DISC1: variants seen among roughly 807,000 people sequenced by gnomAD.
DISC1 encodes the protein disrupted in schizophrenia 1 protein.
A neutral mutation model predicts 84.5 loss-of-function variants in DISC1; 57 were observed. The observed-to-expected ratio is 0.67, with a 90% CI of 0.55 to 0.84. The LOEUF (loss-of-function observed/expected upper bound fraction) is 0.84, where lower values mean the gene tolerates loss of function less well. Among genes scored for constraint, DISC1 ranks in the 40% least tolerant of loss-of-function variants. DISC1 has a pLI of 0.00. For synonymous variants in DISC1, 411 were observed against 415.2 expected (o/e 0.99, Z 0.12); for missense variants, 1,000 against 1,057.8 (o/e 0.95, Z 0.76).
At chr1:231,930,700 G>A (rs188648571) in intron 9 of DISC1, among the ~76,000 whole-genome samples, 1 of 152,204 alleles carries the variant, frequency 6.6e-6, no homozygotes, top group Admixed American at 6.5e-5. Context: ...AGCTGGGGAA[G>A]CATTTCAAGA....
chr1:231,860,142 AG>A lies in DISC1; in HGVS notation c.1981+41626del, dbSNP rs1558660519. Reference sequence around the variant, plus strand: ...CTTCCATACAATTTCATATTTGCAAAGTAAATTAACTCTAAATAGTTTAGGG... The same window carrying A: ...CTTCCATACAATTTCATATTTGCAAATAAATTAACTCTAAATAGTTTAGGG... On this transcript the variant is annotated intron_variant, in intron 9 of 12. Transcript: ENST00000439617. 5.9e-5 allele frequency among the ~76,000 whole-genome samples: 9 copies of A among 152,332 alleles called. No homozygotes were observed. In the South Asian group the frequency reaches 1.9e-3, roughly 32 times the overall value.
chr1:232,021,207 A>AGCCACTTCTCCCAAAGGTGGAAGAAAGT (rs1668921765), intron 11 of DISC1, among the ~76,000 whole-genome samples: 1 of 152,156 alleles, frequency 6.6e-6, no homozygotes, highest in African/African-American at 2.4e-5. Flanking sequence ...CTGAAGAAAG[A>AGCCACTTCTCCCAAAGGTGGAAGAAAGT]GCCACTTCTC....
At chr1:232,001,031 T>C (rs891411666) in intron 10 of DISC1, among the ~76,000 whole-genome samples, 1 of 152,132 alleles carries the variant, frequency 6.6e-6, no homozygotes, top group South Asian at 2.1e-4. Context: ...TGTATTATGG[T>C]GATTGAGACA....
At position 231,944,302 on chromosome 1, in the gene DISC1, G is replaced by C. The variant is rs142793430; in HGVS notation, c.1982-14526G>C. Among the ~76,000 whole-genome samples, 42 of 152,290 alleles carry C rather than the reference G, an allele frequency of 2.8e-4. No homozygotes were observed. The East Asian group carries it at 7.9e-3, about 29-fold the overall frequency. On this transcript the variant is annotated intron_variant, in intron 9 of 12. Transcript: ENST00000439617. ...CCAGATCCTTCTTCTGGAAGGAAGG[G>C]TCAGGTTTCTGCAGCTACTCCCAGC...
chr1:231,870,880 A>G (rs1363151578), intron 9 of DISC1, among the ~76,000 whole-genome samples: 1 of 152,200 alleles, frequency 6.6e-6, no homozygotes. Flanking sequence ...TTAAAGAATA[A>G]ATATTTTCTT....
intron 1 of DISC1, among the ~76,000 whole-genome samples, chr1:231,656,287 T>A (rs1027822431): frequency 1.4e-4 from 22 of 152,298 alleles, no homozygotes; most frequent in African/African-American, 4.6e-4. Flanking sequence ...AGATCCAGTT[T>A]CATTCTTCTA....
Position 231,662,241 on chromosome 1 carries a change from A to C in DISC1, c.68-31585A>C, listed in dbSNP as rs537625864. Among the ~76,000 whole-genome samples the C allele has an allele frequency of 6.6e-5, 10 of 152,330 alleles. No homozygotes were observed. In the East Asian group the frequency reaches 9.7e-4, roughly 15 times the overall value. On this transcript the variant is annotated intron_variant, in intron 1 of 12. Transcript: ENST00000439617. ...TCAGGTGGAATGGTATCAGGGACCC[A>C]TTTAAAGATGAGTCTTGCTGCTTTT...
At chr1:231,802,492 TG>T in intron 8 of DISC1, among the ~76,000 whole-genome samples, 1 of 152,202 alleles carries the variant, frequency 6.6e-6, no homozygotes, top group African/African-American at 2.4e-5. Context: ...CAGTCTCAGG[TG>T]GTATCTTTAT....
At chr1:231,640,381 G>A (rs1413997124) in intron 1 of DISC1, among the ~76,000 whole-genome samples, 6 of 152,110 alleles carry the variant, frequency 3.9e-5, no homozygotes, top group African/African-American at 1.4e-4. Context: ...GACATCATGG[G>A]GTTGTATTGT....
chr1:231,744,544 T>A (rs1453801581), intron 3 of DISC1, among the ~76,000 whole-genome samples: 1 of 152,238 alleles, frequency 6.6e-6, no homozygotes, highest in African/African-American at 2.4e-5. Context: ...AATCAACTTT[T>A]TTTTTTGGTG....
In DISC1 at chr1:231,826,308, A is replaced by G. The variant is rs188876035; in HGVS notation, c.1981+7791A>G. On this transcript the variant is annotated intron_variant, in intron 9 of 12. Transcript: ENST00000439617. The surrounding 1 kb of genome is among the most constrained non-coding windows in gnomAD (Gnocchi z 4.2). ...CTTTATGAATTTGATTCCTAACGTC[A>G]GTCTCTCTATCCATCCCGCAACCTC... is the stretch of plus-strand genomic sequence containing the variant. Among the ~76,000 whole-genome samples the G allele has an allele frequency of 1.4e-4, 21 of 152,342 alleles. No individual in the cohort carries two copies. Among genetic ancestry groups the G allele is most frequent in the Non-Finnish European group, 1.8e-4 (12 of 68,024 alleles).
intron 9 of DISC1, among the ~76,000 whole-genome samples, chr1:231,909,544 T>G (rs2126049037): frequency 6.6e-6 from 1 of 152,328 alleles, no homozygotes; most frequent in East Asian, 1.9e-4. Flanking sequence ...GTGGACAAGC[T>G]TTTTGATGTG....
At chr1:231,868,110 TG>T (rs2085189543) in intron 9 of DISC1, among the ~76,000 whole-genome samples, 1 of 152,158 alleles carries the variant, frequency 6.6e-6, no homozygotes, top group African/African-American at 2.4e-5. Flanking sequence ...AATAAACAGT[TG>T]TTTCTGCTTT....
chr1:231,730,201 A>G (rs941293126), intron 3 of DISC1, among the ~76,000 whole-genome samples: 2 of 152,244 alleles, frequency 1.3e-5, no homozygotes, highest in Non-Finnish European at 1.5e-5. Context: ...ACTGACTGCA[A>G]CCAAAAACCA....
intron 1 of DISC1, among the ~76,000 whole-genome samples, chr1:231,670,097 A>G (rs1171257172): frequency 6.6e-6 from 1 of 152,204 alleles, no homozygotes; most frequent in Non-Finnish European, 1.5e-5. Flanking sequence ...TCCTTAGCAA[A>G]CTAACACAGA....
intron 6 of DISC1, among the ~76,000 whole-genome samples, chr1:231,793,522 C>T (rs2078508893): frequency 1.3e-5 from 2 of 152,248 alleles, no homozygotes; most frequent in Admixed American, 6.5e-5. Flanking sequence ...GTAATCCAGT[C>T]CTGTTCTTCC....
At chr1:231,664,220 G>A (rs962111428) in intron 1 of DISC1, among the ~76,000 whole-genome samples, 1 of 152,042 alleles carries the variant, frequency 6.6e-6, no homozygotes, top group East Asian at 1.9e-4. Context: ...AAGAGTCAAG[G>A]TTTGAACCTA....
chr1:231,741,063 G>T lies in DISC1; in HGVS notation c.1118-8863G>T, dbSNP rs367826764. On this transcript the variant is annotated intron_variant, in intron 3 of 12. Transcript: ENST00000439617. ...TGCACATCTGAGTGTTAGGAAGGTC[G>T]CTCTGTTGGTGATGTGTGGAAACCA... is the stretch of plus-strand genomic sequence containing the variant. Among the ~76,000 whole-genome samples, 4 of 152,348 alleles carry T rather than the reference G, an allele frequency of 2.6e-5. No homozygotes were observed. In the South Asian group the frequency reaches 8.3e-4, roughly 32 times the overall value.
Position 231,626,916 on chromosome 1 carries a change from G to A in DISC1, c.49G>A (p.Gly17Ser). The A allele has an allele frequency of 6.7e-7, 1 of 1,502,764 alleles. No homozygotes were observed. The highest frequency in any genetic ancestry group is 1.5e-5 in the African/African-American group (1 of 68,888). The allele number at this position is 1,502,764 out of a possible 1,614,324, so 93.1% of individuals were successfully genotyped here. The part of the protein sequence containing the change: ...QGAPAAAGGG[G>S]VSHRAGSRDC... Reference sequence around the variant, plus strand: ...CGCCCCAGCCGCCGCCGGCGGCGGCGGCGTGAGCCACCGCGCAGGTAGGGG... The same window carrying A: ...CGCCCCAGCCGCCGCCGGCGGCGGCAGCGTGAGCCACCGCGCAGGTAGGGG... Residue 17 changes from glycine to serine, a missense_variant, in exon 1 of 13, where the codon GGC (glycine) becomes AGC (serine). Physicochemically the swap from Gly to Ser is moderately conservative, Grantham distance 56. Coordinates refer to ENST00000439617, the MANE Select transcript of DISC1 (RefSeq NM_018662.3).
Sources: gnomAD v4.1 joint callset for allele counts (sites outside exome capture counted in the v4.1 genomes callset) on GRCh38, gnomAD v4.1.1 for gene constraint, Gnocchi (gnomAD v3.1) non-coding constraint, MANE v1.5 for transcripts, NCBI Gene and HGNC (gene_info 2026-07-23, HGNC 2026-07-21) for gene names.